The following SHC3 variants were observed in gnomAD, a reference collection of about 807,000 sequenced individuals.
SHC3 encodes SHC adaptor protein 3.
SHC3 carries 15 observed loss-of-function variants against 60.4 expected under a neutral mutation model. The ratio of observed to expected loss-of-function variants is 0.25; its 90% CI spans 0.17 to 0.38. The LOEUF is 0.38. Among genes scored for constraint, SHC3 ranks in the 10% least tolerant of loss-of-function variants. SHC3 has a pLI of 1.00. For missense variants in SHC3, 677 were observed against 786.1 expected (o/e 0.86, Z 1.66); for synonymous variants, 294 against 325.9 (o/e 0.90, Z 1.05).
intron 11 of SHC3, among the ~76,000 whole-genome samples, chr9:89,032,543 G>A (rs1012667439): frequency 1.3e-5 from 2 of 152,188 alleles, no homozygotes; most frequent in African/African-American, 4.8e-5. Flanking sequence ...TTCTGAAGAT[G>A]TTGAAAAGTA....
At chr9:89,099,364 G>A (rs1264380297) in intron 2 of SHC3, among the ~76,000 whole-genome samples, 1 of 152,146 alleles carries the variant, frequency 6.6e-6, no homozygotes, top group Non-Finnish European at 1.5e-5. Flanking sequence ...TTCTTCACAT[G>A]CCAATTTCAA....
At chr9:89,078,688 T>C (rs1482086244) in intron 2 of SHC3, among the ~76,000 whole-genome samples, 3 of 152,116 alleles carry the variant, frequency 2.0e-5, no homozygotes, top group Non-Finnish European at 2.9e-5. Context: ...AAGGGAATGC[T>C]GGAGAGGAAA....
chr9:89,068,699 GA>G (rs35784110), intron 5 of SHC3, among the ~76,000 whole-genome samples: 12,384 of 148,572 alleles, frequency 0.083, 574 homozygotes, highest in Middle Eastern at 0.13. Flanking sequence ...GAGGAAATCT[GA>G]AAAAAAAAAT....
chr9:89,078,577 C>T lies in SHC3; in HGVS notation c.546-674G>A, dbSNP rs539432084. 6.1e-4 allele frequency among the ~76,000 whole-genome samples: 93 copies of T among 151,968 alleles called. No individual in the cohort carries two copies. The Middle Eastern group carries it at 0.01, about 17-fold the overall frequency. ...GCAGAGTGTCCTGGTGCTGAGTGGC[C>T]GGGGGCAAGAGTCCAACACGTGGTT... On this transcript the variant is annotated intron_variant, in intron 2 of 11. Coordinates refer to ENST00000375835, the MANE Select transcript of SHC3 (RefSeq NM_016848.6).
chr9:89,090,522 C>T (rs1408594023), intron 2 of SHC3, among the ~76,000 whole-genome samples: 2 of 152,208 alleles, frequency 1.3e-5, no homozygotes, highest in Non-Finnish European at 1.5e-5. Flanking sequence ...TTTGCTGTCA[C>T]TCCAGGGGAT....
At chr9:89,058,181 G>A (rs1374296460) in intron 6 of SHC3, among the ~76,000 whole-genome samples, 1 of 152,262 alleles carries the variant, frequency 6.6e-6, no homozygotes, top group African/African-American at 2.4e-5. Context: ...CAGCAAGGAA[G>A]ACAATGTAAA....
At chr9:89,020,847 G>A (rs908959882) in intron 11 of SHC3, among the ~76,000 whole-genome samples, 2 of 152,222 alleles carry the variant, frequency 1.3e-5, no homozygotes, top group Non-Finnish European at 2.9e-5. Context: ...TTGTGTGTCT[G>A]GGTGGAGCTC....
chr9:89,013,478 C>G lies in SHC3; in HGVS notation c.1754G>C (p.Cys585Ser). The G allele has an allele frequency of 6.2e-7, 1 of 1,613,670 alleles. No individual in the cohort carries two copies. The highest frequency in any genetic ancestry group is 8.5e-7 in the Non-Finnish European group (1 of 1,179,782). Reference protein sequence around the residue: ...LPIVSAGSELCLQQPVERKQ With the variant: ...LPIVSAGSELSLQQPVERKQ ...CTTCCTCTCCACTGGCTGCTGGAGA[C>G]ACAGCTCACTCCCTGCAGAGACAAT... The change falls in exon 12 of 12, where the codon TGT becomes TCT. Residue 585 changes from cysteine to serine, a missense_variant. Coordinates refer to ENST00000375835, the MANE Select transcript of SHC3 (RefSeq NM_016848.6).
intron 6 of SHC3, among the ~76,000 whole-genome samples, chr9:89,060,377 G>A (rs962431463): frequency 2.6e-5 from 4 of 151,992 alleles, no homozygotes; most frequent in African/African-American, 9.7e-5. Flanking sequence ...GGTGGTGGAA[G>A]ATATGCTGGA....
intron 2 of SHC3, among the ~76,000 whole-genome samples, chr9:89,083,304 G>T (rs968579597): frequency 5.9e-5 from 9 of 152,244 alleles, no homozygotes; most frequent in Non-Finnish European, 1.3e-4. Flanking sequence ...AAAGAAGCAG[G>T]TGCTGAAAGA....
At chr9:89,136,528 T>C (rs1023819498) in intron 1 of SHC3, among the ~76,000 whole-genome samples, 2 of 152,164 alleles carry the variant, frequency 1.3e-5, no homozygotes, top group Middle Eastern at 3.2e-3. Flanking sequence ...TGTCAGGAAG[T>C]TACCCTATAT....
chr9:89,130,031 C>G (rs1216139915), intron 1 of SHC3, among the ~76,000 whole-genome samples: 1 of 152,138 alleles, frequency 6.6e-6, no homozygotes, highest in Non-Finnish European at 1.5e-5. Flanking sequence ...TGCAGAGACA[C>G]ACACACACTC....
chr9:89,173,352 C>T (rs35023667), intron 1 of SHC3, among the ~76,000 whole-genome samples: 12,200 of 152,300 alleles, frequency 0.08, 697 homozygotes, highest in Non-Finnish European at 0.12. Context: ...CACGTGTTTG[C>T]TGCCCAGGCT....
At chr9:89,071,101 AC>A in intron 5 of SHC3, 97 bp downstream of exon 5, 14 of 1,128,866 alleles carry the variant, frequency 1.2e-5, no homozygotes, top group Non-Finnish European at 1.8e-5. Flanking sequence ...ATCACAATTA[AC>A]CTTTTTTACA....
chr9:89,069,570 A>G (rs1265887768), intron 5 of SHC3, among the ~76,000 whole-genome samples: 1 of 152,234 alleles, frequency 6.6e-6, no homozygotes, highest in Non-Finnish European at 1.5e-5. Flanking sequence ...TCCTTTGACA[A>G]TTAAGCAGAG....
intron 5 of SHC3, 130 bp downstream of exon 5, chr9:89,071,069 C>T: frequency 1.4e-6 from 1 of 736,844 alleles, no homozygotes; most frequent in Non-Finnish European, 2.2e-6. Context: ...CTATGGAAAT[C>T]AGGAGGGGGA....
intron 3 of SHC3, among the ~76,000 whole-genome samples, chr9:89,076,636 G>A (rs895508460): frequency 7.9e-5 from 12 of 151,860 alleles, no homozygotes; most frequent in Admixed American, 7.9e-4. Flanking sequence ...TGAACATGCA[G>A]CCTGTGGAGC....
chr9:89,126,130 A>T (rs554962104), intron 1 of SHC3, among the ~76,000 whole-genome samples: 31 of 152,276 alleles, frequency 2.0e-4, no homozygotes, highest in Non-Finnish European at 7.4e-5. Context: ...AATCATCTGC[A>T]CACAACACCA....
intron 11 of SHC3, among the ~76,000 whole-genome samples, chr9:89,034,140 AATT>A (rs1824534721): frequency 6.6e-6 from 1 of 152,212 alleles, no homozygotes; most frequent in African/African-American, 2.4e-5. Flanking sequence ...TTTAAAAAAC[AATT>A]ATTATCTCAA....
Sources: allele counts gnomAD v4.1 joint callset (sites outside exome capture counted in the v4.1 genomes callset), GRCh38; gene constraint gnomAD v4.1.1; transcripts MANE v1.5; gene names NCBI Gene and HGNC (gene_info 2026-07-23, HGNC 2026-07-21).